The following CSMD1 variants were observed in gnomAD, a reference collection of about 807,000 sequenced individuals.
CSMD1 encodes the protein CUB and sushi domain-containing protein 1.
CSMD1 carries 213 observed loss-of-function variants against 417.5 expected under a neutral mutation model. That is an observed-to-expected ratio of 0.51 (90% CI 0.46 to 0.57). The LOEUF (loss-of-function observed/expected upper bound fraction) is 0.57, where lower values mean the gene tolerates loss of function less well. CSMD1 is among the 20% of genes least tolerant of loss of function. The probability of loss-of-function intolerance (pLI) is 0.00; values close to 1 mark genes in which losing one functional copy is unlikely to be tolerated. For synonymous variants in CSMD1, 2,862 were observed against 1,736.8 expected, an observed-to-expected ratio of 1.65 and a Z score of -16.11; for missense variants, 6,923 against 4,529.7, an observed-to-expected ratio of 1.53 and a Z score of -15.17.
At position 4,793,548 on chromosome 8, in the gene CSMD1, G is replaced by A. The variant is rs146855433; in HGVS notation, c.86-155990C>T. Among the ~76,000 whole-genome samples, 19 of 152,000 alleles carry A rather than the reference G, an allele frequency of 1.3e-4. 1 individual carries two copies. The East Asian group carries it at 2.9e-3, about 23-fold the overall frequency. On this transcript the variant is annotated intron_variant, in intron 1 of 69. Coordinates refer to ENST00000635120, the MANE Select transcript of CSMD1 (RefSeq NM_033225.6). ...CACAGTCATAGCTGTTCTGCTTGCA[G>A]AAATTATTTCTATCATTTACTGATA... is the stretch of plus-strand genomic sequence containing the variant.
chr8:4,153,451 C>A (rs183287325), intron 3 of CSMD1, among the ~76,000 whole-genome samples: 364 of 152,312 alleles, frequency 2.4e-3, no homozygotes, highest in African/African-American at 8.3e-3. Context: ...GCAGATGAGC[C>A]AGTGGATAAG....
intron 38 of CSMD1, among the ~76,000 whole-genome samples, chr8:3,158,638 TG>T (rs1366609604): frequency 6.7e-6 from 1 of 149,228 alleles, no homozygotes; most frequent in African/African-American, 2.5e-5. Context: ...TCTTTCTCAA[TG>T]AAAAAAAAAA....
intron 26 of CSMD1, among the ~76,000 whole-genome samples, chr8:3,258,154 A>C (rs911025562): frequency 3.9e-5 from 6 of 152,226 alleles, no homozygotes; most frequent in Admixed American, 3.9e-4. Flanking sequence ...GAACAGGGTA[A>C]ACAGACAACC....
chr8:4,222,746 G>A (rs1029141744), intron 3 of CSMD1, among the ~76,000 whole-genome samples: 2 of 152,112 alleles, frequency 1.3e-5, no homozygotes, highest in Non-Finnish European at 2.9e-5. Flanking sequence ...CACTCTTTCT[G>A]CCCAGATGGA....
chr8:3,421,134 T>G (rs1813463154), intron 12 of CSMD1, among the ~76,000 whole-genome samples: 1 of 152,204 alleles, frequency 6.6e-6, no homozygotes, highest in Non-Finnish European at 1.5e-5. Context: ...AATTACATCT[T>G]TAACATTCTA....
At chr8:4,595,952 C>A (rs1369470352) in intron 2 of CSMD1, among the ~76,000 whole-genome samples, 1 of 152,068 alleles carries the variant, frequency 6.6e-6, no homozygotes, top group Non-Finnish European at 1.5e-5. Context: ...ACTATATGAA[C>A]TGTACCACTT....
intron 49 of CSMD1, among the ~76,000 whole-genome samples, chr8:3,066,614 T>C (rs1360830148): frequency 1.3e-5 from 2 of 152,180 alleles, no homozygotes; most frequent in East Asian, 1.9e-4. Flanking sequence ...AAGAGAGTAA[T>C]AGCTTTAGTA....
chr8:4,478,801 T>C (rs1800937744), intron 2 of CSMD1, among the ~76,000 whole-genome samples: 1 of 152,234 alleles, frequency 6.6e-6, no homozygotes, highest in Admixed American at 6.5e-5. Flanking sequence ...TATTTAAATA[T>C]TCTTTGGAGA....
At chr8:4,505,186 C>T (rs1416768463) in intron 2 of CSMD1, among the ~76,000 whole-genome samples, 2 of 152,158 alleles carry the variant, frequency 1.3e-5, no homozygotes, top group Non-Finnish European at 2.9e-5. Flanking sequence ...TGCATTGTTT[C>T]CTCTAGATTT....
At chr8:4,376,276 T>C (rs76392881) in intron 3 of CSMD1, among the ~76,000 whole-genome samples, 3,726 of 152,332 alleles carry the variant, frequency 0.024, 148 homozygotes, top group African/African-American at 0.085. Context: ...ATGGTAAGAA[T>C]GACCTGTGGC....
intron 2 of CSMD1, among the ~76,000 whole-genome samples, chr8:4,475,607 C>CTTTTTA (rs1286601112): frequency 6.6e-6 from 1 of 151,650 alleles, no homozygotes; most frequent in Non-Finnish European, 1.5e-5. Flanking sequence ...GGTTTTTTTT[C>CTTTTTA]TTTTTCTTTT....
chr8:4,758,584 C>G (rs1351660364), intron 1 of CSMD1, among the ~76,000 whole-genome samples: 1 of 152,160 alleles, frequency 6.6e-6, no homozygotes, highest in Non-Finnish European at 1.5e-5. Flanking sequence ...TATACCAAGA[C>G]TTGGCAATTT....
At chr8:4,472,533 G>C (rs1185715178) in intron 2 of CSMD1, among the ~76,000 whole-genome samples, 1 of 151,984 alleles carries the variant, frequency 6.6e-6, no homozygotes, top group East Asian at 1.9e-4. Context: ...TACCAAAACA[G>C]TATTTAGAAT....
intron 10 of CSMD1, among the ~76,000 whole-genome samples, chr8:3,496,592 C>G (rs1796374770): frequency 2.0e-5 from 3 of 152,060 alleles, no homozygotes; most frequent in African/African-American, 7.2e-5. Context: ...CTTTGGGAGG[C>G]CGAGGAGGGT....
At chr8:3,191,712 G>C (rs545180128) in intron 33 of CSMD1, among the ~76,000 whole-genome samples, 3 of 152,148 alleles carry the variant, frequency 2.0e-5, no homozygotes, top group East Asian at 3.9e-4. Context: ...TTATCAAAAG[G>C]AATGTGGGAT....
In CSMD1 at chr8:3,551,746, A is replaced by G. The variant is rs80088896; in HGVS notation, c.1344+23199T>C. ...TAGTCTGTCATATCACTTGTATACTAAAGTCCGTGACAAGCTGCGATAATA... is the reference window on the plus strand; with the variant it reads ...TAGTCTGTCATATCACTTGTATACTGAAGTCCGTGACAAGCTGCGATAATA... On this transcript the variant is annotated intron_variant, in intron 10 of 69. Transcript: ENST00000635120. Among the ~76,000 whole-genome samples, 291 of 152,238 alleles carry G rather than the reference A, an allele frequency of 1.9e-3. 2 individuals are homozygous for G. Among genetic ancestry groups the G allele is most frequent in the African/African-American group, 6.8e-3 (281 of 41,548 alleles).
intron 3 of CSMD1, among the ~76,000 whole-genome samples, chr8:4,143,282 C>G (rs1314014195): frequency 1.3e-5 from 2 of 150,950 alleles, no homozygotes; most frequent in Non-Finnish European, 2.9e-5. Flanking sequence ...GAAATTTCTC[C>G]TTCAGGCCAC....
chr8:4,495,410 C>G (rs1338116350), intron 2 of CSMD1, among the ~76,000 whole-genome samples: 1 of 151,992 alleles, frequency 6.6e-6, no homozygotes, highest in Non-Finnish European at 1.5e-5. Context: ...CCCATCTCTA[C>G]TAAAAATACA....
At chr8:3,651,369 T>C (rs555644559) in intron 7 of CSMD1, among the ~76,000 whole-genome samples, 2 of 152,078 alleles carry the variant, frequency 1.3e-5, no homozygotes, top group East Asian at 3.9e-4. Context: ...AGGTCTTCTG[T>C]CTCCTCTTCA....
Sources: gnomAD v4.1 joint callset for allele counts (sites outside exome capture counted in the v4.1 genomes callset) on GRCh38, gnomAD v4.1.1 for gene constraint, MANE v1.5 for transcripts, NCBI Gene and HGNC (gene_info 2026-07-23, HGNC 2026-07-21) for gene names.